SAMD3: variants seen among roughly 807,000 people sequenced by gnomAD.
SAMD3 encodes sterile alpha motif domain containing 3, also known as sterile alpha motif domain-containing protein 3.
Under a neutral mutation model 58.5 loss-of-function variants are expected in SAMD3, and 63 were observed. That is an observed-to-expected ratio of 1.08 (90% CI 0.88 to 1.33). SAMD3 has a LOEUF of 1.33. SAMD3 is among the 40% of genes most tolerant of loss of function. The pLI, the probability that SAMD3 is intolerant of heterozygous loss-of-function variation, is 0.00. For missense variants in SAMD3, 604 were observed against 608.4 expected (o/e 0.99, Z 0.08); for synonymous variants, 220 against 210.3 (o/e 1.05, Z -0.40).
At chr6:130,186,179 T>G (rs937040441) in intron 5 of SAMD3, among the ~76,000 whole-genome samples, 2 of 152,066 alleles carry the variant, frequency 1.3e-5, no homozygotes, top group Non-Finnish European at 2.9e-5. Context: ...GCAAGCCAAG[T>G]AGAAGACAAC....
At chr6:130,233,508 G>C (rs771671142) in intron 2 of SAMD3, among the ~76,000 whole-genome samples, 13 of 152,164 alleles carry the variant, frequency 8.5e-5, no homozygotes, top group Admixed American at 2.0e-4. Context: ...TGAATGAAAA[G>C]CAAATGAGGT....
intron 1 of SAMD3, among the ~76,000 whole-genome samples, chr6:130,345,820 A>C (rs1777432788): frequency 6.6e-6 from 1 of 152,220 alleles, no homozygotes; most frequent in Non-Finnish European, 1.5e-5. Context: ...CAAAAGGCAG[A>C]GAACAGATTC....
At chr6:130,226,522 A>G (rs1582975971), upstream of SAMD3, among the ~76,000 whole-genome samples, 3 of 152,372 alleles carry the variant, frequency 2.0e-5, no homozygotes, top group African/African-American at 7.2e-5. Context: ...TGTGTATAAC[A>G]CTTTATAAAA....
chr6:130,283,192 T>C (rs1011467274), intron 2 of SAMD3, among the ~76,000 whole-genome samples: 5 of 152,180 alleles, frequency 3.3e-5, no homozygotes, highest in Non-Finnish European at 7.3e-5. Context: ...GAATGAAGAC[T>C]ATTACTCAGA....
At position 130,154,832 on chromosome 6, in the gene SAMD3, G is replaced by A. The variant is rs772681255; in HGVS notation, c.1016C>T (p.Pro339Leu). The A allele has an allele frequency of 5.1e-5, 82 of 1,606,868 alleles. No individual in the cohort carries two copies. Among genetic ancestry groups the A allele is most frequent in the Non-Finnish European group, 6.5e-5 (77 of 1,175,726 alleles). Residue 339 changes from proline (P) to leucine (L), a missense_variant, in exon 9 of 12, where the codon CCT becomes CTT. Pro to Leu is a moderately conservative substitution (Grantham distance 98). Coordinates refer to ENST00000439090, the MANE Select transcript of SAMD3 (RefSeq NM_001017373.4). ...TATATAGAATAAAGATACCTGATAAGGGCACTTCAAGAAAGGAAACAGTTT... is the reference window on the plus strand; with the variant it reads ...TATATAGAATAAAGATACCTGATAAAGGCACTTCAAGAAAGGAAACAGTTT... ...ILKLFPFLKC[P>L]YQMFREFQLL...
At chr6:130,287,121 C>G (rs1277667386) in intron 2 of SAMD3, among the ~76,000 whole-genome samples, 1 of 152,124 alleles carries the variant, frequency 6.6e-6, no homozygotes, top group East Asian at 1.9e-4. Context: ...TTTTTTTCTT[C>G]TGTCTTCTAA....
At chr6:130,263,669 C>A (rs1002154683) in intron 2 of SAMD3, among the ~76,000 whole-genome samples, 2 of 152,182 alleles carry the variant, frequency 1.3e-5, no homozygotes, top group Non-Finnish European at 2.9e-5. Context: ...ATAACCAAGT[C>A]AATTTCGCCT....
intron 1 of SAMD3, among the ~76,000 whole-genome samples, chr6:130,328,615 C>T (rs1776830292): frequency 6.6e-6 from 1 of 152,168 alleles, no homozygotes; most frequent in African/African-American, 2.4e-5. Flanking sequence ...GTCCTCTCAG[C>T]CTCTACTCTG....
chr6:130,197,794 T>G (rs1024210170), intron 5 of SAMD3, among the ~76,000 whole-genome samples: 2 of 152,182 alleles, frequency 1.3e-5, no homozygotes, highest in Non-Finnish European at 2.9e-5. Context: ...CATTTTATTT[T>G]TCTTATTAAT....
chr6:130,213,313 CTTTT>C (rs1221967075), intron 4 of SAMD3, among the ~76,000 whole-genome samples: 202 of 128,116 alleles, frequency 1.6e-3, no homozygotes, highest in African/African-American at 5.2e-3. Flanking sequence ...AAACAAAAAG[CTTTT>C]TTTTTTTTAA....
At chr6:130,286,354 T>C (rs1482545641) in intron 2 of SAMD3, 3 of 152,258 alleles carry the variant, frequency 2.0e-5, no homozygotes, top group Non-Finnish European at 4.4e-5. Context: ...TGGTAGGCAT[T>C]TCTGAGAGGA....
chr6:130,261,921 C>T (rs1206054296), intron 2 of SAMD3, among the ~76,000 whole-genome samples: 1 of 151,572 alleles, frequency 6.6e-6, no homozygotes, highest in East Asian at 1.9e-4. Context: ...CAAAGAACTG[C>T]ATTATAAGCC....
At chr6:130,317,739 C>G (rs1158058386) in intron 1 of SAMD3, among the ~76,000 whole-genome samples, 1 of 152,192 alleles carries the variant, frequency 6.6e-6, no homozygotes, top group Non-Finnish European at 1.5e-5. Flanking sequence ...ATATACAAAA[C>G]AGCAGTTCTC....
intron 2 of SAMD3, among the ~76,000 whole-genome samples, chr6:130,230,949 G>T (rs2114878769): frequency 6.6e-6 from 1 of 152,266 alleles, no homozygotes; most frequent in South Asian, 2.1e-4. Context: ...AAGAGTCTCA[G>T]TGTCTTGCCC....
Position 130,344,825 on chromosome 6 carries a change from CAAAAAAA to C in SAMD3, c.-304+20288_-304+20294del, listed in dbSNP as rs56795907. ...AAGGAAGCAGAAAGAACAACAACAG[CAAAAAAA>C]AAAAAAAAAAAAAAAAAAAAAGAGA... On this transcript the variant is annotated intron_variant, in intron 1 of 13. Transcript: ENST00000368134. Among the ~76,000 whole-genome samples the C allele has an allele frequency of 1.3e-3, 55 of 41,102 alleles. No homozygotes were observed. The East Asian group carries it at 0.026, about 19-fold the overall frequency. The allele number at this position is 41,102 out of a possible 152,430, so 27.0% of individuals were successfully genotyped here. A position where few individuals can be genotyped will look rare whatever the true frequency, so the allele number is the denominator to read the frequency against.
chr6:130,341,017 G>A (rs1019079251), intron 1 of SAMD3, among the ~76,000 whole-genome samples: 2 of 152,156 alleles, frequency 1.3e-5, no homozygotes, highest in Non-Finnish European at 2.9e-5. Context: ...AAGGTTTTCA[G>A]TACATTTAGA....
chr6:130,236,661 C>T (rs1029420595), intron 2 of SAMD3, among the ~76,000 whole-genome samples: 2 of 152,162 alleles, frequency 1.3e-5, no homozygotes, highest in Admixed American at 6.6e-5. Context: ...GGATTACAGG[C>T]GTGAGCCACT....
intron 1 of SAMD3, among the ~76,000 whole-genome samples, chr6:130,360,875 A>T (rs1777967044): frequency 6.6e-6 from 1 of 152,196 alleles, no homozygotes; most frequent in Admixed American, 6.5e-5. Flanking sequence ...TTGCTGAGAA[A>T]ATAATTCAGC....
intron 5 of SAMD3, among the ~76,000 whole-genome samples, chr6:130,206,503 C>T (rs890022605): frequency 8.5e-5 from 13 of 152,166 alleles, no homozygotes; most frequent in Non-Finnish European, 1.8e-4. Context: ...ACTTGTTCAG[C>T]CCTTGGATGC....
Sources: allele counts gnomAD v4.1 joint callset (sites outside exome capture counted in the v4.1 genomes callset), GRCh38; gene constraint gnomAD v4.1.1; transcripts MANE v1.5; gene names NCBI Gene and HGNC (gene_info 2026-07-23, HGNC 2026-07-21).